H2BK1: variants seen among roughly 807,000 people sequenced by gnomAD.
H2BK1 encodes the protein histone H2B type 2-K1.
the H2BK1 span, chr7:151,208,161 T>A: frequency 1.9e-6 from 3 of 1,544,382 alleles, no homozygotes; most frequent in Non-Finnish European, 2.7e-6. Flanking sequence ...GGAGGGGGGG[T>A]CCTGCCTACA....
At chr7:151,208,118 G>A in the H2BK1 span, 3 of 1,614,048 alleles carry the variant, frequency 1.9e-6, no homozygotes, top group East Asian at 2.2e-5. Context: ...CTGGAGAGAG[G>A]GCAGCACCAC....
At chr7:151,208,005 G>A in the H2BK1 span, 4 of 1,581,876 alleles carry the variant, frequency 2.5e-6, no homozygotes, top group Non-Finnish European at 3.5e-6. Context: ...CCCGAGTACT[G>A]GGCCAGCCGG....
chr7:151,209,051 C>T, the H2BK1 span, among the ~76,000 whole-genome samples: 1 of 151,758 alleles, frequency 6.6e-6, no homozygotes, highest in Non-Finnish European at 1.5e-5. Context: ...CAAACCCCCT[C>T]TGCTGTCAGC....
At chr7:151,209,982 G>C in the H2BK1 span, among the ~76,000 whole-genome samples, 1 of 152,148 alleles carries the variant, frequency 6.6e-6, no homozygotes. Context: ...CAGGGAGCAC[G>C]CTTTGTCTCC....
the H2BK1 span, chr7:151,208,131 G>A: frequency 2.4e-5 from 38 of 1,613,194 alleles, no homozygotes; most frequent in Admixed American, 5.0e-5. Context: ...AGCACCACTC[G>A]GTTAATGGAA....
the H2BK1 span, chr7:151,207,975 G>C: frequency 1.4e-6 from 2 of 1,454,526 alleles, no homozygotes; most frequent in Non-Finnish European, 1.9e-6. Flanking sequence ...TGGACTTCTC[G>C]GGATGTCAGG....
chr7:151,210,296 C>T, the H2BK1 span: 1 of 399,136 alleles, frequency 2.5e-6, no homozygotes, highest in East Asian at 3.6e-5. Context: ...GGGCTGCTGC[C>T]GCTGTCCATA....
chr7:151,210,329 C>CTCGAA, the H2BK1 span: 19 of 381,362 alleles, frequency 5.0e-5, no homozygotes, highest in Non-Finnish European at 8.3e-5. Flanking sequence ...CCTCCTGCTT[C>CTCGAA]TCGAATAGCC....
the H2BK1 span, chr7:151,210,335 T>C: frequency 2.8e-6 from 1 of 360,892 alleles, no homozygotes; most frequent in African/African-American, 2.1e-5. Flanking sequence ...GCTTCTCGAA[T>C]AGCCCTCACC....
At chr7:151,210,161 C>A in the H2BK1 span, 1 of 399,054 alleles carries the variant, frequency 2.5e-6, no homozygotes, top group South Asian at 1.3e-4. Flanking sequence ...GGGCATCCCT[C>A]ACACACATCC....
the H2BK1 span, among the ~76,000 whole-genome samples, chr7:151,209,418 A>G: frequency 6.6e-6 from 1 of 152,162 alleles, no homozygotes. Context: ...CAGAGGGGTA[A>G]GAGTTTCAAG....
the H2BK1 span, among the ~76,000 whole-genome samples, chr7:151,209,414 G>A: frequency 1.0e-3 from 159 of 152,102 alleles, no homozygotes; most frequent in Non-Finnish European, 1.8e-3. Flanking sequence ...CTAACAGAGG[G>A]GTAAGAGTTT....
chr7:151,208,056 A>G, the H2BK1 span: 1 of 1,614,024 alleles, frequency 6.2e-7, no homozygotes, highest in Non-Finnish European at 8.5e-7. Flanking sequence ...TCGTTTACAA[A>G]CGAGTTCATG....
the H2BK1 span, chr7:151,207,965 TGGACTTCTCG>T: frequency 2.1e-6 from 3 of 1,411,742 alleles, no homozygotes; most frequent in Non-Finnish European, 3.0e-6. Context: ...CACAGCCGTC[TGGACTTCTCG>T]GGATGTCAGG....
the H2BK1 span, among the ~76,000 whole-genome samples, chr7:151,209,785 C>A: frequency 1.3e-5 from 2 of 152,136 alleles, no homozygotes; most frequent in Non-Finnish European, 1.5e-5. Flanking sequence ...GTCCAGAAGA[C>A]CTTCCCCAAG....
the H2BK1 span, chr7:151,207,876 T>C: frequency 1.0e-6 from 1 of 984,490 alleles, no homozygotes. Context: ...CTGGGTCACT[T>C]GGAGCTGGTG....
At chr7:151,208,325 A>C in the H2BK1 span, among the ~76,000 whole-genome samples, 21 of 152,190 alleles carry the variant, frequency 1.4e-4, no homozygotes, top group African/African-American at 4.8e-4. Flanking sequence ...TTTTTAAAAG[A>C]AGTTTTCAAC....
chr7:151,209,281 A>T, the H2BK1 span, among the ~76,000 whole-genome samples: 1 of 151,808 alleles, frequency 6.6e-6, no homozygotes, highest in African/African-American at 2.4e-5. Context: ...CAGCCAACCC[A>T]TATCAGTGCT....
At chr7:151,209,021 G>A in the H2BK1 span, among the ~76,000 whole-genome samples, 1 of 117,818 alleles carries the variant, frequency 8.5e-6, no homozygotes, top group African/African-American at 3.3e-5. Flanking sequence ...ATCTGCACCT[G>A]GCACAAGGCT....
Sources: allele counts gnomAD v4.1 joint callset (sites outside exome capture counted in the v4.1 genomes callset), GRCh38; gene constraint gnomAD v4.1.1; transcripts MANE v1.5; gene names NCBI Gene and HGNC (gene_info 2026-07-23, HGNC 2026-07-21).